Variants in FANCA observed in about 807,000 individuals in gnomAD.
The protein encoded by FANCA is Fanconi anemia group A protein.
A neutral mutation model predicts 194.3 loss-of-function variants in FANCA; 236 were observed. The observed-to-expected ratio is 1.21, with a 90% CI of 1.09 to 1.35. The LOEUF is 1.35. Ranked by LOEUF, FANCA falls within the 40% of genes most tolerant of loss-of-function variation. The pLI, the probability that FANCA is intolerant of heterozygous loss-of-function variation, is 0.00. For synonymous variants in FANCA, 1,014 were observed against 715.8 expected, an observed-to-expected ratio of 1.42 and a Z score of -6.65; for missense variants, 2,628 against 1,813.9, an observed-to-expected ratio of 1.45 and a Z score of -8.15.
chr16:89,767,747 A>T (rs2039180300), intron 26 of FANCA, among the ~76,000 whole-genome samples: 1 of 152,022 alleles, frequency 6.6e-6, no homozygotes, highest in Non-Finnish European at 1.5e-5. Context: ...ATGGGGTTTC[A>T]CCGTGTTAGC....
chr16:89,812,709 G>A (rs1290955200), intron 3 of FANCA, among the ~76,000 whole-genome samples: 1 of 148,028 alleles, frequency 6.8e-6, no homozygotes, highest in Non-Finnish European at 1.5e-5. Context: ...GTAATGTACT[G>A]GCTCTAAAAA....
rs1451492184 is a variant in FANCA at position 89,746,820 on chromosome 16, G to C, written c.3408+11C>G. The stretch of plus-strand genomic sequence containing the variant: ...GAGAAGGCCACGAGAGGGGCTGAGG[G>C]AGCATCTCACCCTGAAGAAGTGGGC... On this transcript the variant is annotated intron_variant, in intron 34 of 42. Coordinates refer to ENST00000389301, the MANE Select transcript of FANCA (RefSeq NM_000135.4). The C allele has an allele frequency of 6.4e-7, 1 of 1,568,426 alleles. No homozygotes were observed. Among genetic ancestry groups the C allele is most frequent in the Non-Finnish European group, 8.7e-7 (1 of 1,155,596 alleles).
chr16:89,799,534 A>G, intron 9 of FANCA, 71 bp downstream of exon 9: 1 of 1,408,538 alleles, frequency 7.1e-7, no homozygotes, highest in East Asian at 2.3e-5. Context: ...ATGGAAAGGC[A>G]GAAAACTGAT....
At chr16:89,776,794 G>A (rs900981467) in intron 20 of FANCA, among the ~76,000 whole-genome samples, 2 of 151,974 alleles carry the variant, frequency 1.3e-5, no homozygotes, top group African/African-American at 4.8e-5. Context: ...TTGCGCCACT[G>A]CACTGCAGAC....
rs550680328 is a variant in FANCA at position 89,741,442 on chromosome 16, T to C, written c.3766-576A>G. On this transcript the variant is annotated intron_variant, in intron 37 of 42. Transcript: ENST00000389301. ...GATCCAGCTTTGAGCTGGTGTAAGT[T>C]GTGTGCTGACATGGCACCTATGCGT... Among the ~76,000 whole-genome samples the C allele has an allele frequency of 3.3e-5, 5 of 152,338 alleles. No individual in the cohort carries two copies. The East Asian group carries it at 9.6e-4, about 29-fold the overall frequency.
intron 9 of FANCA, 53 bp from the exon 10 acceptor site, chr16:89,799,285 A>C: frequency 1.2e-6 from 2 of 1,606,486 alleles, no homozygotes. Context: ...GCGGCAGCCC[A>C]CCAGAAACAA....
intron 26 of FANCA, 100 bp downstream of exon 26, chr16:89,769,737 T>C: frequency 7.4e-7 from 1 of 1,347,262 alleles, no homozygotes; most frequent in African/African-American, 1.5e-5. Flanking sequence ...TATCTTTGGG[T>C]GGTATGTCTG....
chr16:89,767,108 C>A (rs1214204677), intron 27 of FANCA, 33 bp downstream of exon 27: 4 of 1,526,182 alleles, frequency 2.6e-6, no homozygotes, highest in Non-Finnish European at 3.6e-6. Context: ...AAACGTATGG[C>A]AGAATGGAAA....
chr16:89,791,595 G>C (rs575628516), intron 13 of FANCA, 59 bp from the exon 14 acceptor site: 3 of 1,606,268 alleles, frequency 1.9e-6, no homozygotes. Context: ...GGAACATGAC[G>C]TGAGTTATGC....
rs1179894173 is a variant in FANCA at position 89,798,897 on chromosome 16, C to T, written c.893+269G>A. On this transcript the variant is annotated intron_variant, in intron 10 of 42. Transcript: ENST00000389301. ...CAGGAGGAGGTCACAGTGAGTGGGACAAACATTGGTGCAGGACTTCCAGAG... is the reference window on the plus strand; with the variant it reads ...CAGGAGGAGGTCACAGTGAGTGGGATAAACATTGGTGCAGGACTTCCAGAG... The T allele has an allele frequency of 2.5e-6, 4 of 1,587,230 alleles. No homozygotes were observed. The East Asian group carries it at 9.0e-5, about 36-fold the overall frequency.
chr16:89,796,120 G>C (rs926860088), intron 10 of FANCA, 102 bp from the exon 11 acceptor site: 8 of 871,136 alleles, frequency 9.2e-6, no homozygotes, highest in Non-Finnish European at 1.1e-5. Flanking sequence ...CCTTCTTTAA[G>C]CAAGGAAGGG....
chr16:89,741,408 G>A (rs988324837), intron 37 of FANCA, among the ~76,000 whole-genome samples: 6 of 152,362 alleles, frequency 3.9e-5, no homozygotes, highest in Middle Eastern at 3.4e-3. Context: ...AACCCTGGGC[G>A]CTGCTGTCGA....
chr16:89,752,096 A>T (rs1208622951), intron 31 of FANCA, 42 bp downstream of exon 31: 1 of 1,553,752 alleles, frequency 6.4e-7, no homozygotes, highest in Admixed American at 1.7e-5. Context: ...CACGCGGCTT[A>T]AATGAAGTGA....
At chr16:89,778,415 A>G (rs2039586107) in intron 20 of FANCA, 2 of 346,846 alleles carry the variant, frequency 5.8e-6, no homozygotes, top group South Asian at 4.5e-5. Context: ...GCAGTGAGCC[A>G]AGATTGTGCA....
Position 89,805,340 on chromosome 16 carries a change from G to A in FANCA, c.649C>T (p.Leu217Phe), listed in dbSNP as rs1005152584. 6.8e-6 allele frequency: 11 copies of A among 1,614,072 alleles called. No homozygotes were observed. The highest frequency in any genetic ancestry group is 9.3e-6 in the Non-Finnish European group (11 of 1,179,984). ...GSWLFRNLCC[L>F]CEQMEASCQH... ...CAGGATGCTTCCATCTGTTCACAAA[G>A]GCAGCACAGATTCCTGAAGAGCCAC... The change falls in exon 7 of 43, where the codon CTT (leucine) becomes TTT (phenylalanine). Residue 217 changes from leucine (L) to phenylalanine (F), a missense_variant. Leu to Phe is a conservative substitution (Grantham distance 22). Transcript: ENST00000389301.
At chr16:89,806,432 G>A (rs1567648800) in intron 6 of FANCA, among the ~76,000 whole-genome samples, 1 of 149,842 alleles carries the variant, frequency 6.7e-6, no homozygotes, top group Admixed American at 6.7e-5. Context: ...CAATGGTGGA[G>A]GGAAGGTCAG....
At chr16:89,798,718 T>C in intron 10 of FANCA, 1 of 1,325,950 alleles carries the variant, frequency 7.5e-7, no homozygotes, top group Non-Finnish European at 9.7e-7. Context: ...CTTTGCCTAC[T>C]GGTGAATCTG....
chr16:89,810,258 G>C (rs1452271475), intron 5 of FANCA, among the ~76,000 whole-genome samples: 3 of 148,762 alleles, frequency 2.0e-5, no homozygotes, highest in African/African-American at 7.4e-5. Context: ...GGGAGGTGGG[G>C]CTTGCAGTGA....
chr16:89,794,247 T>C (rs991537598), intron 11 of FANCA, among the ~76,000 whole-genome samples: 8 of 152,176 alleles, frequency 5.3e-5, no homozygotes, highest in South Asian at 4.1e-4. Flanking sequence ...ATTTCAATTT[T>C]CCTGCTTTTA....
Sources: gnomAD v4.1 joint callset for allele counts (sites outside exome capture counted in the v4.1 genomes callset) on GRCh38, gnomAD v4.1.1 for gene constraint, MANE v1.5 for transcripts, NCBI Gene and HGNC (gene_info 2026-07-23, HGNC 2026-07-21) for gene names.